The following PPP1R8 variants were observed in gnomAD, a reference collection of about 807,000 sequenced individuals.
PPP1R8 encodes the protein protein phosphatase 1 regulatory subunit 8, also known as nuclear inhibitor of protein phosphatase 1.
Under a neutral mutation model 31.3 loss-of-function variants are expected in PPP1R8, and 4 were observed. That is an observed-to-expected ratio of 0.13 (90% confidence interval 0.06 to 0.29). The LOEUF is 0.29. Ranked by LOEUF, PPP1R8 falls within the 10% of genes least tolerant of loss-of-function variation. The probability of loss-of-function intolerance (pLI) is 1.00; values close to 1 mark genes in which losing one functional copy is unlikely to be tolerated. For missense variants in PPP1R8, 254 were observed against 440.1 expected, an observed-to-expected ratio of 0.58 and a Z score of 3.78; for synonymous variants, 170 against 169.7, an observed-to-expected ratio of 1.00 and a Z score of -0.01.
Position 27,850,805 on chromosome 1 carries a change from G to C in PPP1R8, c.*359G>C, listed in dbSNP as rs1003399679. 1 of 184,490 alleles carries C rather than the reference G, an allele frequency of 5.4e-6. No homozygotes were observed. The highest frequency in any genetic ancestry group is 1.1e-5 in the Non-Finnish European group (1 of 88,454). The allele number at this position is 184,490 out of a possible 1,614,324, so 11.4% of individuals were successfully genotyped here. Reference sequence around the variant, plus strand: ...TGAATCCAGAGCTGTAGAGGTTACAGTAGCATCACCAGCCTTGGGGGTCCA... The same window carrying C: ...TGAATCCAGAGCTGTAGAGGTTACACTAGCATCACCAGCCTTGGGGGTCCA... On this transcript the variant is annotated 3_prime_UTR_variant, in exon 7 of 7. Coordinates refer to ENST00000311772, the MANE Select transcript of PPP1R8 (RefSeq NM_014110.5).
chr1:27,847,115 T>A (rs1315943759), intron 6 of PPP1R8, 23 bp downstream of exon 6: 1 of 1,609,568 alleles, frequency 6.2e-7, no homozygotes, highest in Admixed American at 1.7e-5. Flanking sequence ...TGAAATGCCA[T>A]ACAGTCTGTG....
chr1:27,850,478 G>GGGGTT lies in PPP1R8; in HGVS notation c.*32_*33insGGGTT. 1 of 1,338,788 alleles carries GGGGTT rather than the reference G, an allele frequency of 7.5e-7. No individual in the cohort carries two copies. The highest frequency in any genetic ancestry group is 1.9e-4 in the Middle Eastern group (1 of 5,236). 82.9% of individuals were successfully genotyped at this position (1,338,788 alleles called of 1,614,324 possible). ...TGGTCATGGAGAAGGGTGGGATTGG[G>GGGGTT]TGGGAATGGGGTGGAAGGGTGATGG... On this transcript the variant is annotated 3_prime_UTR_variant, in exon 7 of 7. Transcript: ENST00000311772.
At chr1:27,838,924 G>A in intron 3 of PPP1R8, 72 bp downstream of exon 3, 1 of 1,338,678 alleles carries the variant, frequency 7.5e-7, no homozygotes, top group African/African-American at 1.5e-5. Flanking sequence ...TCTTTAGTTT[G>A]GAAATTACGT....
intron 2 of PPP1R8, among the ~76,000 whole-genome samples, chr1:27,837,673 G>A (rs1309741358): frequency 6.6e-6 from 1 of 151,548 alleles, no homozygotes; most frequent in Non-Finnish European, 1.5e-5. Flanking sequence ...TATTTGGGAG[G>A]CTGAGACAGG....
In PPP1R8 at chr1:27,850,194, C is replaced by T; in HGVS notation, c.804C>T (p.Pro268=). ...GCGGAGGACTCTACGGGGGCCTGCC[C>T]CCCACACACAGTGAAGCAGGCTCCC... ...AFSGGLYGGL[P]PTHSEAGSQP... is the part of the protein sequence containing the mutation. Residue 268 remains proline (P), a synonymous_variant, in exon 7 of 7, where the codon CCC becomes CCT. Coordinates refer to ENST00000311772, the MANE Select transcript of PPP1R8 (RefSeq NM_014110.5). 2.5e-6 allele frequency: 4 copies of T among 1,614,182 alleles called. No homozygotes were observed. Among genetic ancestry groups the T allele is most frequent in the Non-Finnish European group, 3.4e-6 (4 of 1,180,030 alleles).
chr1:27,832,714 A>G, intron 1 of PPP1R8, 42 bp from the exon 2 acceptor site: 2 of 1,537,080 alleles, frequency 1.3e-6, no homozygotes, highest in Non-Finnish European at 1.8e-6. Context: ...TAGCATTTAT[A>G]AACCCATCCT....
At position 27,851,667 on chromosome 1, in the gene PPP1R8, AGT is replaced by A. The variant is rs1021623050; in HGVS notation, c.*1225_*1226del. The stretch of plus-strand genomic sequence containing the variant: ...ATTACAAATAAAGATGCCCTAAATG[AGT>A]GTGGAAATTCTAATGAGAGAATGTA... On this transcript the variant is annotated 3_prime_UTR_variant, in exon 7 of 7. Transcript: ENST00000311772. The A allele has an allele frequency of 2.1e-6, 1 of 466,320 alleles. No homozygotes were observed. Among genetic ancestry groups the A allele is most frequent in the Non-Finnish European group, 4.3e-6 (1 of 231,130 alleles). 28.9% of individuals were successfully genotyped at this position (466,320 alleles called of 1,614,324 possible). A position where few individuals can be genotyped will look rare whatever the true frequency, so the allele number is the denominator to read the frequency against.
intron 6 of PPP1R8, among the ~76,000 whole-genome samples, chr1:27,848,886 A>C (rs973622892): frequency 6.6e-5 from 10 of 152,154 alleles, no homozygotes; most frequent in Admixed American, 3.9e-4. Context: ...TACATATAAT[A>C]AAATCTACAC....
intron 6 of PPP1R8, among the ~76,000 whole-genome samples, chr1:27,849,786 T>C (rs2089321913): frequency 6.6e-6 from 1 of 152,102 alleles, no homozygotes; most frequent in Non-Finnish European, 1.5e-5. Context: ...AACTTTAGGA[T>C]AAATTAAATT....
intron 5 of PPP1R8, 98 bp downstream of exon 5, chr1:27,843,428 G>A (rs766934666): frequency 3.7e-4 from 544 of 1,457,126 alleles, no homozygotes; most frequent in Non-Finnish European, 4.9e-4. Flanking sequence ...AGGCCGAGGA[G>A]GGTGGATCAC....
chr1:27,847,005 C>T (rs1344427227), intron 5 of PPP1R8, 23 bp from the exon 6 acceptor site: 1 of 1,610,906 alleles, frequency 6.2e-7, no homozygotes, highest in East Asian at 2.2e-5. Flanking sequence ...CCAACCCAAC[C>T]CTGCCCTCTT....
chr1:27,849,992 G>T (rs2089325045), intron 6 of PPP1R8, 101 bp from the exon 7 acceptor site: 1 of 1,126,688 alleles, frequency 8.9e-7, no homozygotes, highest in Non-Finnish European at 1.3e-6. Flanking sequence ...TTTCCCAAAA[G>T]CCATTTTTTT....
At chr1:27,839,710 C>T (rs1430327652) in intron 3 of PPP1R8, among the ~76,000 whole-genome samples, 1 of 152,130 alleles carries the variant, frequency 6.6e-6, no homozygotes, top group Non-Finnish European at 1.5e-5. Context: ...TTTCATTATT[C>T]TGGTTCTTTA....
chr1:27,840,190 G>A (rs1292628290), intron 3 of PPP1R8, among the ~76,000 whole-genome samples: 1 of 152,146 alleles, frequency 6.6e-6, no homozygotes, highest in Non-Finnish European at 1.5e-5. Flanking sequence ...ACTGCATGGG[G>A]CCCTGAAGTT....
chr1:27,831,007 G>A, intron 1 of PPP1R8, 116 bp downstream of exon 1: 2 of 1,426,692 alleles, frequency 1.4e-6, no homozygotes, highest in African/African-American at 1.5e-5. Context: ...ACCCCGGAAT[G>A]GTTGAGGAAA....
chr1:27,845,156 C>T (rs1411218788), intron 5 of PPP1R8, among the ~76,000 whole-genome samples: 2 of 145,392 alleles, frequency 1.4e-5, no homozygotes, highest in Non-Finnish European at 3.0e-5. Flanking sequence ...TTTGGGAGGC[C>T]GAGGTGGGCG....
chr1:27,832,499 A>G (rs985763880), intron 1 of PPP1R8, among the ~76,000 whole-genome samples: 2 of 152,210 alleles, frequency 1.3e-5, no homozygotes, highest in African/African-American at 4.8e-5. Context: ...GTGAAGATCC[A>G]GTGTTAAAAT....
intron 5 of PPP1R8, among the ~76,000 whole-genome samples, chr1:27,846,620 A>G (rs185485682): frequency 2.2e-4 from 33 of 152,364 alleles, no homozygotes; most frequent in Admixed American, 8.5e-4. Flanking sequence ...CTGATATGGA[A>G]CTGATAATGT....
chr1:27,850,031 C>T, intron 6 of PPP1R8, 62 bp from the exon 7 acceptor site: 1 of 1,456,576 alleles, frequency 6.9e-7, no homozygotes, highest in South Asian at 1.4e-5. Flanking sequence ...GCTAACCACT[C>T]TTGGGCCTCA....
Sources: gnomAD v4.1 joint callset for allele counts (sites outside exome capture counted in the v4.1 genomes callset) on GRCh38, gnomAD v4.1.1 for gene constraint, MANE v1.5 for transcripts, NCBI Gene and HGNC (gene_info 2026-07-23, HGNC 2026-07-21) for gene names.